AHRR: variants seen among roughly 807,000 people sequenced by gnomAD.
AHRR encodes aryl hydrocarbon receptor repressor, also known as ahR repressor.
AHRR carries 28 observed loss-of-function variants against 44.0 expected under a neutral mutation model. The ratio of observed to expected loss-of-function variants is 0.64; its 90% confidence interval spans 0.47 to 0.87. The LOEUF (loss-of-function observed/expected upper bound fraction) is 0.87. AHRR is among the 40% of genes least tolerant of loss of function. The pLI is 0.00. For missense variants in AHRR, 990 were observed against 953.9 expected (o/e 1.04, Z -0.50); for synonymous variants, 434 against 407.0 (o/e 1.07, Z -0.80).
chr5:368,812 A>T (rs1394009942), intron 3 of AHRR, among the ~76,000 whole-genome samples: 4 of 152,244 alleles, frequency 2.6e-5, no homozygotes, highest in Admixed American at 2.6e-4. Flanking sequence ...CAGCCACCCC[A>T]GTCTTCGCTG....
chr5:347,477 C>A (rs1305794778), intron 2 of AHRR, among the ~76,000 whole-genome samples: 3 of 152,104 alleles, frequency 2.0e-5, no homozygotes, highest in African/African-American at 7.2e-5. Flanking sequence ...CGAATACATT[C>A]CTTAAAATAT....
At chr5:426,922 T>C (rs1223328680) in intron 7 of AHRR, among the ~76,000 whole-genome samples, 1 of 146,418 alleles carries the variant, frequency 6.8e-6, no homozygotes, top group Non-Finnish European at 1.5e-5. Flanking sequence ...GGAAGATGGA[T>C]GGATGGAAAC....
chr5:376,557 A>AAAGATGGGAATGAATGAGAACC, intron 3 of AHRR, 53 bp from the exon 4 acceptor site: 1 of 1,423,184 alleles, frequency 7.0e-7, no homozygotes, highest in Non-Finnish European at 9.5e-7. Flanking sequence ...AATGAAGAAG[A>AAAGATGGGAATGAATGAGAACC]GTGGCCAGGC....
intron 10 of AHRR, among the ~76,000 whole-genome samples, 176 bp from the exon 11 acceptor site, chr5:433,677 A>G (rs1168896515): frequency 6.8e-6 from 1 of 146,276 alleles, no homozygotes; most frequent in African/African-American, 2.4e-5. Context: ...GTGCTGGCAC[A>G]GCCTCCTGGG....
chr5:432,683 G>A, intron 9 of AHRR, 123 bp from the exon 10 acceptor site: 1 of 1,546,372 alleles, frequency 6.5e-7, no homozygotes, highest in Non-Finnish European at 8.9e-7. Context: ...TGCCGTTCCT[G>A]GGCTCTGGTC....
chr5:390,886 C>CG (rs1340296408), intron 4 of AHRR, among the ~76,000 whole-genome samples: 1 of 152,148 alleles, frequency 6.6e-6, no homozygotes, highest in African/African-American at 2.4e-5. Context: ...CACGCACACC[C>CG]GGGGGCAGGG....
intron 1 of AHRR, chr5:343,668 G>C: frequency 2.0e-6 from 1 of 508,472 alleles, no homozygotes; most frequent in Non-Finnish European, 3.4e-6. Context: ...GCCTGACACC[G>C]AGGGGAGGCC....
At chr5:345,545 TG>T (rs1440520537) in intron 2 of AHRR, among the ~76,000 whole-genome samples, 2 of 141,574 alleles carry the variant, frequency 1.4e-5, no homozygotes, top group Non-Finnish European at 3.1e-5. Context: ...TGGCTGTGTG[TG>T]GGGATGTGTG....
intron 3 of AHRR, among the ~76,000 whole-genome samples, chr5:366,048 A>G (rs978880270): frequency 2.6e-5 from 4 of 151,984 alleles, no homozygotes; most frequent in African/African-American, 9.7e-5. Context: ...AAATGTGTGT[A>G]CACTCACCTT....
chr5:388,164 A>T lies in AHRR; in HGVS notation c.351+11448A>T, dbSNP rs916616836. On this transcript the variant is annotated intron_variant, in intron 4 of 10. Transcript: ENST00000684583. The surrounding 1 kb of genome is among the most constrained non-coding windows in gnomAD (Gnocchi z 5.2). ...AAGGAAATGAATTTTGGAGGACACC[A>T]CTCAGCCCAGTACCACTGTGCTTAC... Among the ~76,000 whole-genome samples, 3 of 152,100 alleles carry T rather than the reference A, an allele frequency of 2.0e-5. No homozygotes were observed. The highest frequency in any genetic ancestry group is 2.0e-4 in the Admixed American group (3 of 15,276).
rs750823042 is a variant in AHRR, at chr5:376,689, C to T, written c.324C>T (p.Ala108=). The change falls in exon 4 of 11, where the codon GCC becomes GCT. Residue 108 remains alanine (A), a synonymous_variant. Coordinates refer to ENST00000684583, the MANE Select transcript of AHRR (RefSeq NM_001377236.1). ...ACAGCTGTCCTCTTGCAGGGTCTGC[C>T]GTGCTGGAGGGAAGGCTGCTGTTGG... ...PGDSCPLAGS[A]VLEGRLLLES... is the part of the protein sequence containing the mutation. 5.6e-6 allele frequency: 9 copies of T among 1,609,470 alleles called. No homozygotes were observed. Among genetic ancestry groups the T allele is most frequent in the Admixed American group, 1.7e-5 (1 of 59,540 alleles).
intron 5 of AHRR, among the ~76,000 whole-genome samples, chr5:416,178 G>C (rs13166205): frequency 0.35 from 52,706 of 152,236 alleles, 10,638 homozygotes; most frequent in Middle Eastern, 0.49. Flanking sequence ...TGCAGGGAGA[G>C]GGAACACCGT....
At chr5:324,548 G>A (rs557826578) in intron 1 of AHRR, among the ~76,000 whole-genome samples, 1 of 151,844 alleles carries the variant, frequency 6.6e-6, no homozygotes, top group South Asian at 2.1e-4. Flanking sequence ...CACCTTGGGA[G>A]GCTGAGGCGG....
intron 5 of AHRR, among the ~76,000 whole-genome samples, chr5:415,668 T>C (rs1158321179): frequency 2.2e-5 from 3 of 135,896 alleles, no homozygotes; most frequent in Non-Finnish European, 3.4e-5. Context: ...AGGGGCCGAA[T>C]CTGCCTGGTC....
chr5:410,141 G>A (rs746755401), intron 4 of AHRR, among the ~76,000 whole-genome samples: 17 of 152,136 alleles, frequency 1.1e-4, no homozygotes, highest in Non-Finnish European at 1.6e-4. Context: ...CCACAATTTC[G>A]TTCTTTTTTA....
chr5:421,265 T>TG, intron 5 of AHRR: 1 of 698,194 alleles, frequency 1.4e-6, no homozygotes, highest in Non-Finnish European at 2.6e-6. Context: ...GCGGATGCCG[T>TG]GTGCAGGCAC....
Position 422,940 on chromosome 5 carries a change from C to T in AHRR, c.571+82C>T, listed in dbSNP as rs533285605. ...TCGCTGCCTCTGGAAATGACCCTGT[C>T]GCACCTTCTTGGTGTGCTTTGCCTT... On this transcript the variant is annotated intron_variant, in intron 6 of 10. Coordinates refer to ENST00000684583, the MANE Select transcript of AHRR (RefSeq NM_001377236.1). 1.6e-4 allele frequency: 237 copies of T among 1,490,110 alleles called. No individual in the cohort carries two copies. The African/African-American group carries it at 3.0e-3, about 19-fold the overall frequency. 92.3% of individuals were successfully genotyped at this position (1,490,110 alleles called of 1,614,324 possible).
At chr5:347,326 A>G (rs1485015230) in intron 2 of AHRR, among the ~76,000 whole-genome samples, 1 of 152,198 alleles carries the variant, frequency 6.6e-6, no homozygotes, top group African/African-American at 2.4e-5. Flanking sequence ...GATTTTACAT[A>G]TAGTGTTCTT....
chr5:421,339 C>T (rs748107499), intron 5 of AHRR: 5 of 691,462 alleles, frequency 7.2e-6, no homozygotes, highest in East Asian at 5.5e-5. Flanking sequence ...AGGGGGATGC[C>T]GGTGGGTATC....
Sources: allele counts gnomAD v4.1 joint callset (sites outside exome capture counted in the v4.1 genomes callset), GRCh38; gene constraint gnomAD v4.1.1; non-coding constraint Gnocchi (gnomAD v3.1); transcripts MANE v1.5; gene names NCBI Gene and HGNC (gene_info 2026-07-23, HGNC 2026-07-21).